Variants in UBE3B observed in about 807,000 individuals in gnomAD.
UBE3B encodes the protein ubiquitin-protein ligase E3B.
A neutral mutation model predicts 132.3 loss-of-function variants in UBE3B; 80 were observed. The observed-to-expected ratio is 0.60, with a 90% CI of 0.50 to 0.73. The LOEUF is 0.73. UBE3B is among the 30% of genes least tolerant of loss of function. The pLI is 0.00. For missense variants in UBE3B, 1,196 were observed against 1,362.5 expected (o/e 0.88, Z 1.92); for synonymous variants, 487 against 520.4 (o/e 0.94, Z 0.87).
intron 11 of UBE3B, 142 bp from the exon 12 acceptor site, chr12:109,499,491 T>G: frequency 1.3e-6 from 1 of 784,844 alleles, no homozygotes; most frequent in Non-Finnish European, 1.8e-6. Context: ...CACAGCAGCC[T>G]CCGGCATTGA....
At chr12:109,505,083 C>T (rs1329729872) in intron 14 of UBE3B, among the ~76,000 whole-genome samples, 2 of 152,066 alleles carry the variant, frequency 1.3e-5, no homozygotes, top group African/African-American at 4.8e-5. Context: ...GCTCATTTTC[C>T]CAAGTGAGAG....
At chr12:109,530,276 T>C (rs1273454122) in intron 25 of UBE3B, among the ~76,000 whole-genome samples, 1 of 152,196 alleles carries the variant, frequency 6.6e-6, no homozygotes, top group Non-Finnish European at 1.5e-5. Context: ...GCCTGAGGAC[T>C]GGGGGTTCTC....
chr12:109,538,455 G>A (rs1425036359), downstream of UBE3B, among the ~76,000 whole-genome samples: 1 of 152,170 alleles, frequency 6.6e-6, no homozygotes, highest in Non-Finnish European at 1.5e-5. The surrounding 1 kb of genome is among the most constrained non-coding windows in gnomAD (Gnocchi z 4.1). Context: ...CCACGTGGAG[G>A]GCAGCCTCCC....
intron 18 of UBE3B, among the ~76,000 whole-genome samples, chr12:109,514,249 A>G (rs1880725554): frequency 6.6e-6 from 1 of 152,138 alleles, no homozygotes; most frequent in Non-Finnish European, 1.5e-5. Flanking sequence ...GAGGCTTTGT[A>G]GTATGGGGGC....
At chr12:109,498,712 C>G (rs1466376391) in intron 11 of UBE3B, among the ~76,000 whole-genome samples, 3 of 152,120 alleles carry the variant, frequency 2.0e-5, no homozygotes, top group South Asian at 2.1e-4. Flanking sequence ...CCTGCTTTAC[C>G]TATTTTACAG....
At chr12:109,508,446 C>T in intron 15 of UBE3B, 1 of 909,222 alleles carries the variant, frequency 1.1e-6, no homozygotes, top group Non-Finnish European at 1.3e-6. Flanking sequence ...AATTAACAAA[C>T]ATTAGTCCCA....
At chr12:109,484,548 C>T (rs543993217) in intron 4 of UBE3B, among the ~76,000 whole-genome samples, 53 of 152,152 alleles carry the variant, frequency 3.5e-4, no homozygotes, top group African/African-American at 1.2e-3. Context: ...CGTGCCACCA[C>T]GCCCAGCTAA....
chr12:109,501,964 T>A (rs1302351746), intron 13 of UBE3B, among the ~76,000 whole-genome samples: 1 of 152,090 alleles, frequency 6.6e-6, no homozygotes, highest in Admixed American at 6.5e-5. Flanking sequence ...ATACCTGGCC[T>A]CCAGCTTGTT....
chr12:109,547,769 TC>T, the UBE3B span, among the ~76,000 whole-genome samples: 1 of 151,798 alleles, frequency 6.6e-6, no homozygotes, highest in Non-Finnish European at 1.5e-5. This position sits in a 1 kb window ranked among gnomAD's most constrained non-coding sequence, Gnocchi z 4.1. Flanking sequence ...CACCCCAGGT[TC>T]CCCACGGTGC....
intron 22 of UBE3B, 128 bp from the exon 23 acceptor site, chr12:109,524,307 TTTC>T (rs1882054918): frequency 7.2e-7 from 1 of 1,380,848 alleles, no homozygotes; most frequent in Admixed American, 1.9e-5. Context: ...CACGAATGAC[TTTC>T]TTTGCGTCAA....
At chr12:109,529,349 A>G (rs1882715629) in intron 24 of UBE3B, among the ~76,000 whole-genome samples, 1 of 151,752 alleles carries the variant, frequency 6.6e-6, no homozygotes, top group African/African-American at 2.4e-5. Context: ...AGTTGAGTCC[A>G]CTCCTAGCCC....
chr12:109,485,401 C>G (rs1441350967), intron 4 of UBE3B, among the ~76,000 whole-genome samples: 2 of 152,180 alleles, frequency 1.3e-5, no homozygotes, highest in East Asian at 1.9e-4. Context: ...CACATGATTA[C>G]GTAGATGAGG....
intron 17 of UBE3B, 28 bp downstream of exon 17, chr12:109,510,486 A>G (rs1880239556): frequency 1.9e-6 from 3 of 1,577,056 alleles, no homozygotes; most frequent in African/African-American, 1.3e-5. Context: ...GGAGGGCTCC[A>G]TGGAAGCCAG....
intron 25 of UBE3B, among the ~76,000 whole-genome samples, 158 bp from the exon 26 acceptor site, chr12:109,530,389 T>C (rs1882821772): frequency 6.6e-6 from 1 of 152,196 alleles, no homozygotes; most frequent in East Asian, 1.9e-4. Context: ...CCCAGGGAGA[T>C]AGAGTTATTG....
chr12:109,537,026 GT>G (rs1258282572), downstream of UBE3B, among the ~76,000 whole-genome samples: 1 of 152,008 alleles, frequency 6.6e-6, no homozygotes, highest in Admixed American at 6.5e-5. Context: ...TTCTTTTTTT[GT>G]TTTTTTGAGA....
rs61744923 is a variant in UBE3B at position 109,530,644 on chromosome 12, G to A, written c.2908G>A (p.Ala970Thr). ...CTCCGACTTCACACCGGATGAGAGA[G>A]CTATGTTTCTGAAGGTATTTTATTT... The part of the protein sequence containing the change: ...LASDFTPDER[A>T]MFLKFVTSCS... The change falls in exon 26 of 28, where the codon GCT becomes ACT. Residue 970 changes from alanine (A) to threonine (T), a missense_variant. By Grantham distance (58) the Ala-to-Thr change is moderately conservative. Coordinates refer to ENST00000342494, the MANE Select transcript of UBE3B (RefSeq NM_130466.4). 1 of 1,614,154 alleles carries A rather than the reference G, an allele frequency of 6.2e-7. No homozygotes were observed. The highest frequency in any genetic ancestry group is 1.1e-5 in the South Asian group (1 of 91,088).
At chr12:109,485,965 T>C (rs1225370357) in intron 4 of UBE3B, 47 bp from the exon 5 acceptor site, 1 of 1,547,592 alleles carries the variant, frequency 6.5e-7, no homozygotes, top group Admixed American at 2.0e-5. Flanking sequence ...GTTTTCACTT[T>C]TTGATGGATT....
intron 9 of UBE3B, chr12:109,492,317 A>G (rs555878963): frequency 1.3e-3 from 205 of 152,262 alleles, no homozygotes; most frequent in African/African-American, 4.8e-3. Flanking sequence ...CTCAGCGGCC[A>G]CATGTAACTA....
At chr12:109,490,295 T>C (rs963244941) in intron 8 of UBE3B, 1 of 1,246,254 alleles carries the variant, frequency 8.0e-7, no homozygotes, top group Non-Finnish European at 1.1e-6. Context: ...GCTTGTTCCC[T>C]CAGATTCCTT....
Sources: gnomAD v4.1 joint callset for allele counts (sites outside exome capture counted in the v4.1 genomes callset) on GRCh38, gnomAD v4.1.1 for gene constraint, Gnocchi (gnomAD v3.1) non-coding constraint, MANE v1.5 for transcripts, NCBI Gene and HGNC (gene_info 2026-07-23, HGNC 2026-07-21) for gene names.